MYT1L: variants seen among roughly 807,000 people sequenced by gnomAD.
MYT1L encodes myelin transcription factor 1 like.
In MYT1L, 12 loss-of-function variants were observed where a neutral mutation model predicts 126.7. That is an observed-to-expected ratio of 0.09 (90% CI 0.06 to 0.15). The LOEUF (loss-of-function observed/expected upper bound fraction) is 0.15. Ranked by LOEUF, MYT1L falls within the 10% of genes least tolerant of loss-of-function variation. The pLI, the probability that MYT1L is intolerant of heterozygous loss-of-function variation, is 1.00. For synonymous variants in MYT1L, 541 were observed against 604.2 expected, an observed-to-expected ratio of 0.90 and a Z score of 1.53; for missense variants, 979 against 1,585.2, an observed-to-expected ratio of 0.62 and a Z score of 6.49.
intron 10 of MYT1L, among the ~76,000 whole-genome samples, chr2:1,921,732 G>A (rs939280613): frequency 6.6e-6 from 1 of 152,270 alleles, no homozygotes; most frequent in East Asian, 1.9e-4. Context: ...TAATTAATGT[G>A]CAGTCACTGC....
At chr2:1,907,899 C>T (rs936151532) in intron 13 of MYT1L, among the ~76,000 whole-genome samples, 1 of 152,270 alleles carries the variant, frequency 6.6e-6, no homozygotes, top group African/African-American at 2.4e-5. Context: ...GGCGGAAAGC[C>T]CGCAGGAGTC....
intron 4 of MYT1L, among the ~76,000 whole-genome samples, chr2:2,042,652 A>C (rs1426129178): frequency 3.3e-5 from 5 of 152,142 alleles, no homozygotes. Context: ...TCAGAACCAC[A>C]CAAAGGCCCT....
intron 2 of MYT1L, among the ~76,000 whole-genome samples, chr2:2,253,688 C>A (rs2094722265): frequency 6.6e-6 from 1 of 151,594 alleles, no homozygotes; most frequent in Admixed American, 6.6e-5. Context: ...AGAAGCAGGG[C>A]AGGAGAGCAA....
rs1287907158 is a variant in MYT1L, at chr2:1,922,927, T to C, written c.842A>G (p.Asn281Ser). The C allele has an allele frequency of 1.2e-6, 2 of 1,613,936 alleles. No individual in the cohort carries two copies. The highest frequency in any genetic ancestry group is 2.7e-5 in the African/African-American group (2 of 74,946). The change falls in exon 10 of 25, where the codon AAT becomes AGT. Residue 281 changes from asparagine (N) to serine (S), a missense_variant. This residue lies in a region of MYT1L where 243 missense variants were observed against 363.9 expected (regional missense o/e 0.67). Transcript: ENST00000647738. This position sits in a 1 kb window ranked among gnomAD's most constrained non-coding sequence, Gnocchi z 7.4. ...CATGCTGTCTGCATAATTTCTGTCA[T>C]TCATGTTTTCTGAGAGCACAACACC... ...GHGVVLSENM[N>S]DRNYADSMSQ...
At chr2:2,089,389 T>C (rs1263783497) in intron 3 of MYT1L, among the ~76,000 whole-genome samples, 1 of 152,194 alleles carries the variant, frequency 6.6e-6, no homozygotes, top group Non-Finnish European at 1.5e-5. Flanking sequence ...GGGTAGGGAA[T>C]GGCTGGAGGA....
chr2:2,090,639 C>A (rs549017616), intron 3 of MYT1L, among the ~76,000 whole-genome samples: 1 of 152,236 alleles, frequency 6.6e-6, no homozygotes, highest in Admixed American at 6.5e-5. Context: ...TGGAAAACTT[C>A]TATTGGAAAA....
intron 1 of MYT1L, among the ~76,000 whole-genome samples, chr2:2,295,783 G>GAGATAGAGAGAC (rs2095682179): frequency 7.9e-6 from 1 of 126,722 alleles, no homozygotes; most frequent in African/African-American, 3.0e-5. Flanking sequence ...GAGAGATAGA[G>GAGATAGAGAGAC]AGACAGACAG....
intron 18 of MYT1L, among the ~76,000 whole-genome samples, chr2:1,865,273 C>A (rs769534395): frequency 2.6e-5 from 4 of 152,140 alleles, no homozygotes; most frequent in Non-Finnish European, 5.9e-5. Context: ...GACACCCCCT[C>A]CAGCCCAGCT....
chr2:2,031,413 T>C (rs905782131), intron 4 of MYT1L, among the ~76,000 whole-genome samples: 6 of 148,536 alleles, frequency 4.0e-5, no homozygotes, highest in African/African-American at 1.5e-4. Context: ...CCTCTCATCC[T>C]GTGGCCCAGA....
intron 2 of MYT1L, among the ~76,000 whole-genome samples, chr2:2,280,080 G>C (rs1018929207): frequency 1.3e-5 from 2 of 152,174 alleles, no homozygotes; most frequent in Admixed American, 6.5e-5. Context: ...AGTGTCATCA[G>C]AAAACATTAA....
intron 3 of MYT1L, among the ~76,000 whole-genome samples, chr2:2,163,702 C>T (rs951082428): frequency 2.0e-5 from 3 of 150,646 alleles, no homozygotes; most frequent in African/African-American, 7.3e-5. Flanking sequence ...AGCGCCACTG[C>T]ACTCCAGCCT....
At chr2:2,153,539 G>A (rs1026675440) in intron 3 of MYT1L, among the ~76,000 whole-genome samples, 1 of 152,168 alleles carries the variant, frequency 6.6e-6, no homozygotes, top group Non-Finnish European at 1.5e-5. Context: ...AGAGGAGGAA[G>A]GCAGAGGCTG....
chr2:1,991,554 T>G (rs2061457759), intron 5 of MYT1L, among the ~76,000 whole-genome samples: 2 of 152,098 alleles, frequency 1.3e-5, no homozygotes, highest in Admixed American at 1.3e-4. Flanking sequence ...TCTGGAATTT[T>G]AGGTGTGAGC....
chr2:2,015,482 G>A (rs77292522), intron 4 of MYT1L, among the ~76,000 whole-genome samples: 6,420 of 152,212 alleles, frequency 0.042, 203 homozygotes, highest in Non-Finnish European at 0.065. Context: ...GCACCTTCTG[G>A]GCTGTGAAAC....
chr2:2,298,788 G>T (rs1005105581), intron 1 of MYT1L, among the ~76,000 whole-genome samples: 2 of 152,088 alleles, frequency 1.3e-5, no homozygotes, highest in African/African-American at 2.4e-5. Context: ...GCTGCCACAC[G>T]TCCCGCAGTG....
In MYT1L at chr2:1,922,619, G is replaced by T. The variant is rs772503312; in HGVS notation, c.1150C>A (p.Arg384=). 1.7e-5 allele frequency: 27 copies of T among 1,613,736 alleles called. No homozygotes were observed. Among genetic ancestry groups the T allele is most frequent in the Middle Eastern group, 1.6e-4 (1 of 6,084 alleles). Residue 384 remains arginine (R), a synonymous_variant, in exon 10 of 25, where the codon CGG becomes AGG. Coordinates refer to ENST00000647738, the MANE Select transcript of MYT1L (RefSeq NM_001303052.2). The surrounding 1 kb of genome is among the most constrained non-coding windows in gnomAD (Gnocchi z 7.4). ...RNYSDMLNLM[R]LEEQLSPRSR... ...CGGGGGCTCAACTGCTCCTCCAGCCGCATGAGGTTCAGCATGTCCGAGTAG... is the reference window on the plus strand; with the variant it reads ...CGGGGGCTCAACTGCTCCTCCAGCCTCATGAGGTTCAGCATGTCCGAGTAG...
chr2:2,256,187 A>G (rs2094807298), intron 2 of MYT1L, among the ~76,000 whole-genome samples: 1 of 152,226 alleles, frequency 6.6e-6, no homozygotes, highest in South Asian at 2.1e-4. Context: ...CAGTGCTGAC[A>G]TGGCACGCTG....
At chr2:2,322,457 C>T (rs1254916656) in intron 1 of MYT1L, among the ~76,000 whole-genome samples, 4 of 152,114 alleles carry the variant, frequency 2.6e-5, no homozygotes, top group Non-Finnish European at 5.9e-5. Context: ...GACAGGTGCA[C>T]ATCACCCTGT....
chr2:2,235,736 C>A (rs551968382), intron 2 of MYT1L, among the ~76,000 whole-genome samples: 1 of 152,274 alleles, frequency 6.6e-6, no homozygotes, highest in East Asian at 1.9e-4. Flanking sequence ...TGTACTAACT[C>A]CGGCTGACTG....
Sources: gnomAD v4.1 joint callset for allele counts (sites outside exome capture counted in the v4.1 genomes callset) on GRCh38, gnomAD v4.1.1 for gene constraint, gnomAD v4.1.1 regional missense constraint, Gnocchi (gnomAD v3.1) non-coding constraint, MANE v1.5 for transcripts, NCBI Gene and HGNC (gene_info 2026-07-23, HGNC 2026-07-21) for gene names.